FRYL: variants seen among roughly 807,000 people sequenced by gnomAD.
FRYL encodes the protein protein furry homolog-like.
In FRYL, 150 loss-of-function variants were observed where a neutral mutation model predicts 351.2. That is an observed-to-expected ratio of 0.43 (90% CI 0.37 to 0.49). FRYL has a LOEUF of 0.49. Among genes scored for constraint, FRYL ranks in the 20% least tolerant of loss-of-function variants. The pLI, the probability that FRYL is intolerant of heterozygous loss-of-function variation, is 0.00. For synonymous variants in FRYL, 1,153 were observed against 1,257.1 expected (o/e 0.92, Z 1.75); for missense variants, 3,036 against 3,619.3 (o/e 0.84, Z 4.13).
chr4:48,772,182 T>C (rs1277590837), intron 1 of FRYL, among the ~76,000 whole-genome samples: 1 of 152,220 alleles, frequency 6.6e-6, no homozygotes, highest in Non-Finnish European at 1.5e-5. Flanking sequence ...GATTATATTT[T>C]GAGAATTTTT....
chr4:48,625,578 T>C (rs1402236456), intron 4 of FRYL, among the ~76,000 whole-genome samples: 1 of 152,208 alleles, frequency 6.6e-6, no homozygotes, highest in Admixed American at 6.5e-5. Context: ...TTACATTGCA[T>C]TATATCTTAC....
intron 29 of FRYL, 114 bp downstream of exon 29, chr4:48,565,417 G>A: frequency 1.5e-6 from 1 of 689,384 alleles, no homozygotes; most frequent in Non-Finnish European, 2.2e-6. Context: ...TTTGAATATG[G>A]CAGAAAAACA....
At chr4:48,775,833 A>T (rs953557517) in intron 1 of FRYL, among the ~76,000 whole-genome samples, 3 of 152,228 alleles carry the variant, frequency 2.0e-5, no homozygotes, top group Non-Finnish European at 2.9e-5. Context: ...TATGAAGTCT[A>T]CATTTTGAAC....
intron 1 of FRYL, among the ~76,000 whole-genome samples, chr4:48,744,175 A>T (rs1401254368): frequency 6.6e-6 from 1 of 152,156 alleles, no homozygotes; most frequent in Non-Finnish European, 1.5e-5. Flanking sequence ...CTAATGGGTA[A>T]GAAATTTCTT....
At chr4:48,565,868 A>G (rs191610805) in intron 28 of FRYL, among the ~76,000 whole-genome samples, 177 bp from the exon 29 acceptor site, 8 of 152,360 alleles carry the variant, frequency 5.3e-5, no homozygotes, top group Non-Finnish European at 2.9e-5. Context: ...TCACAGAAAC[A>G]AAGTTGCAGT....
At chr4:48,669,648 T>C (rs1262231015) in intron 3 of FRYL, among the ~76,000 whole-genome samples, 1 of 148,064 alleles carries the variant, frequency 6.8e-6, no homozygotes, top group African/African-American at 2.5e-5. Context: ...TAAATAAAAA[T>C]TATATATCTC....
intron 3 of FRYL, among the ~76,000 whole-genome samples, chr4:48,666,966 T>G (rs1246998559): frequency 6.6e-6 from 1 of 152,218 alleles, no homozygotes; most frequent in Non-Finnish European, 1.5e-5. Context: ...AAAATTATTT[T>G]GGATTGTTTA....
At position 48,717,331 on chromosome 4, in the gene FRYL, C is replaced by T. The variant is rs144089347; in HGVS notation, c.-383-6633G>A. 3.7e-3 allele frequency among the ~76,000 whole-genome samples: 557 copies of T among 151,400 alleles called. 9 individuals are homozygous for T. The highest frequency in any genetic ancestry group is 0.013 in the African/African-American group (525 of 41,370). Reference sequence around the variant, plus strand: ...GAAAGAAGCCACTCACAAAAGGCCACGTAGTATATGATTCCATTTATATGA... The same window carrying T: ...GAAAGAAGCCACTCACAAAAGGCCATGTAGTATATGATTCCATTTATATGA... On this transcript the variant is annotated intron_variant, in intron 1 of 63. Coordinates refer to ENST00000358350, the MANE Select transcript of FRYL (RefSeq NM_015030.2).
intron 21 of FRYL, 81 bp from the exon 22 acceptor site, chr4:48,581,032 C>T: frequency 2.7e-6 from 2 of 745,136 alleles, no homozygotes; most frequent in South Asian, 2.0e-5. Flanking sequence ...ACTAAAAATT[C>T]ACTTCAGCAC....
chr4:48,497,537 T>C lies in FRYL; in HGVS notation c.*1885A>G, dbSNP rs144135465. Reference sequence around the variant, plus strand: ...TTCTAAATGATGCACACTGTAATCATTCATTCTTTGTTAAAATACAACACA... The same window carrying C: ...TTCTAAATGATGCACACTGTAATCACTCATTCTTTGTTAAAATACAACACA... On this transcript the variant is annotated 3_prime_UTR_variant, in exon 64 of 64. Coordinates refer to ENST00000358350, the MANE Select transcript of FRYL (RefSeq NM_015030.2). 9 of 152,780 alleles carry C rather than the reference T, an allele frequency of 5.9e-5. No individual in the cohort carries two copies. The highest frequency in any genetic ancestry group is 2.2e-4 in the African/African-American group (9 of 41,586). The allele number at this position is 152,780 out of a possible 1,614,324, so 9.5% of individuals were successfully genotyped here. A position where few individuals can be genotyped will look rare whatever the true frequency, so the allele number is the denominator to read the frequency against.
At chr4:48,706,409 C>T (rs1465648823) in intron 2 of FRYL, among the ~76,000 whole-genome samples, 3 of 152,158 alleles carry the variant, frequency 2.0e-5, no homozygotes, top group Non-Finnish European at 2.9e-5. Flanking sequence ...AATACTGTAA[C>T]TGCATGATTC....
chr4:48,670,453 CAT>C (rs1297817949), intron 3 of FRYL, among the ~76,000 whole-genome samples: 5 of 149,716 alleles, frequency 3.3e-5, no homozygotes, highest in Admixed American at 1.3e-4. Flanking sequence ...TATACATATA[CAT>C]ATATATATGT....
chr4:48,534,754 AT>A (rs1728495904), intron 48 of FRYL, 69 bp from the exon 49 acceptor site: 2 of 954,120 alleles, frequency 2.1e-6, no homozygotes, highest in Non-Finnish European at 3.1e-6. Context: ...CAATATTTAC[AT>A]TTGACAGGTT....
At chr4:48,701,689 C>T (rs186111155) in intron 2 of FRYL, among the ~76,000 whole-genome samples, 105 of 152,292 alleles carry the variant, frequency 6.9e-4, no homozygotes, top group African/African-American at 1.9e-3. Flanking sequence ...CAGACTATTA[C>T]ATTTACTCTA....
intron 12 of FRYL, 124 bp from the exon 13 acceptor site, chr4:48,602,245 G>A (rs376860339): frequency 2.0e-5 from 12 of 598,436 alleles, no homozygotes; most frequent in Admixed American, 1.5e-4. Context: ...TTTCCAATTC[G>A]TAATAAGAAA....
chr4:48,771,849 C>A (rs1775549215), intron 1 of FRYL, among the ~76,000 whole-genome samples: 1 of 152,128 alleles, frequency 6.6e-6, no homozygotes, highest in Non-Finnish European at 1.5e-5. Context: ...CTGAAAACAT[C>A]AAATTATAAA....
chr4:48,593,015 T>C (rs1743780702), intron 16 of FRYL, among the ~76,000 whole-genome samples: 1 of 152,168 alleles, frequency 6.6e-6, no homozygotes, highest in Non-Finnish European at 1.5e-5. Context: ...ATGAAATATT[T>C]TGAAAAATCC....
rs371612929 is a variant in FRYL at position 48,550,657 on chromosome 4, C to T, written c.4568G>A (p.Arg1523Gln). 35 of 1,613,974 alleles carry T rather than the reference C, an allele frequency of 2.2e-5. No homozygotes were observed. The African/African-American group carries it at 2.8e-4, about 13-fold the overall frequency. ...TCGGGATTCTAGTCTGTGATGTTGCCGATTCAAATGACTGTTTAGTCCACT... is the reference window on the plus strand; with the variant it reads ...TCGGGATTCTAGTCTGTGATGTTGCTGATTCAAATGACTGTTTAGTCCACT... ...IYSGLNSHLN[R>Q]QHHRLESRYS... Residue 1523 changes from arginine (R) to glutamine (Q), a missense_variant, in exon 38 of 64, where the codon CGG (arginine) becomes CAG (glutamine). Physicochemically the swap from Arg to Gln is conservative, Grantham distance 43. This residue lies in a region of FRYL where 1,987 missense variants were observed against 2,311.7 expected (regional missense o/e 0.86). Coordinates refer to ENST00000358350, the MANE Select transcript of FRYL (RefSeq NM_015030.2).
Position 48,500,023 on chromosome 4 carries a change from G to A in FRYL, c.8783+7C>T, listed in dbSNP as rs779417959. On this transcript the variant is annotated splice_region_variant and intron_variant, in intron 63 of 63. Transcript: ENST00000358350. ...AGGCATCACCTTTAAATCCCGTCAC[G>A]TTTTACCTGAAAGCTTTGACTTGTG... 14 of 1,563,890 alleles carry A rather than the reference G, an allele frequency of 9.0e-6. No homozygotes were observed. Among genetic ancestry groups the A allele is most frequent in the Non-Finnish European group, 1.1e-5 (13 of 1,159,310 alleles).
Sources: gnomAD v4.1 joint callset for allele counts (sites outside exome capture counted in the v4.1 genomes callset) on GRCh38, gnomAD v4.1.1 for gene constraint, gnomAD v4.1.1 regional missense constraint, MANE v1.5 for transcripts, NCBI Gene and HGNC (gene_info 2026-07-23, HGNC 2026-07-21) for gene names.